GRIK2: variants seen among roughly 807,000 people sequenced by gnomAD.
GRIK2 encodes glutamate receptor ionotropic, kainate 2.
Under a neutral mutation model 100.3 loss-of-function variants are expected in GRIK2, and 32 were observed. The ratio of observed to expected loss-of-function variants is 0.32; its 90% CI spans 0.24 to 0.43. The LOEUF is 0.43. Among genes scored for constraint, GRIK2 ranks in the 20% least tolerant of loss-of-function variants. The pLI is 1.00. For synonymous variants in GRIK2, 417 were observed against 389.4 expected (o/e 1.07, Z -0.83); for missense variants, 843 against 1,114.9 (o/e 0.76, Z 3.47).
At chr6:101,425,997 G>C (rs9404103) in intron 2 of GRIK2, among the ~76,000 whole-genome samples, 105,120 of 152,146 alleles carry the variant, frequency 0.69, 36,568 homozygotes, top group East Asian at 0.91. Context: ...CATTCTTTCA[G>C]ACTTGAAAGC....
rs140994724 is a variant in GRIK2, at chr6:101,770,837, T to C, written c.952-28811T>C. Among the ~76,000 whole-genome samples the C allele has an allele frequency of 7.6e-4, 116 of 152,312 alleles. 2 individuals are homozygous for C. In the East Asian group the frequency reaches 0.02, roughly 26 times the overall value. ...ATGTATTTTTGGCAGGTATAGTGTG[T>C]TCTTCTGCACCAACTCACATATTCC... is the stretch of plus-strand genomic sequence containing the variant. On this transcript the variant is annotated intron_variant, in intron 7 of 16. Transcript: ENST00000369134.
chr6:101,681,404 A>ATT (rs149557882), intron 5 of GRIK2, among the ~76,000 whole-genome samples: 67 of 111,940 alleles, frequency 6.0e-4, no homozygotes, highest in East Asian at 2.7e-3. Flanking sequence ...TTTCTTTTCT[A>ATT]TTTTTTTTTT....
At chr6:101,557,388 T>C (rs995138098) in intron 2 of GRIK2, among the ~76,000 whole-genome samples, 3 of 152,196 alleles carry the variant, frequency 2.0e-5, no homozygotes, top group Admixed American at 1.3e-4. Flanking sequence ...CTCTGGGTTA[T>C]TAAACTAGTT....
chr6:101,410,890 A>T (rs533202179), intron 2 of GRIK2, among the ~76,000 whole-genome samples: 134 of 152,176 alleles, frequency 8.8e-4, no homozygotes, highest in Middle Eastern at 3.4e-3. Flanking sequence ...AAGGTGGAGG[A>T]CAATCAGTCT....
intron 12 of GRIK2, among the ~76,000 whole-genome samples, chr6:101,891,963 T>C (rs955271693): frequency 6.6e-6 from 1 of 152,144 alleles, no homozygotes; most frequent in Non-Finnish European, 1.5e-5. Flanking sequence ...GATTAAGCAA[T>C]TCAGTGCCTA....
At chr6:101,838,565 C>A (rs993748861) in intron 10 of GRIK2, among the ~76,000 whole-genome samples, 1 of 152,088 alleles carries the variant, frequency 6.6e-6, no homozygotes, top group Non-Finnish European at 1.5e-5. Context: ...AATTTTGTAT[C>A]TGCAATTTTT....
intron 2 of GRIK2, among the ~76,000 whole-genome samples, chr6:101,608,549 T>A (rs1468580171): frequency 2.6e-5 from 4 of 151,870 alleles, no homozygotes; most frequent in Non-Finnish European, 1.5e-5. Context: ...ACTCTACATA[T>A]CATTATATTT....
intron 1 of GRIK2, among the ~76,000 whole-genome samples, chr6:101,396,508 A>G (rs759722027): frequency 7.2e-5 from 11 of 152,130 alleles, no homozygotes; most frequent in Non-Finnish European, 1.6e-4. Flanking sequence ...AGTTTTTTTA[A>G]CAGTATGCCC....
intron 10 of GRIK2, among the ~76,000 whole-genome samples, chr6:101,851,042 T>A (rs192872268): frequency 6.6e-6 from 1 of 152,206 alleles, no homozygotes; most frequent in Admixed American, 6.5e-5. Flanking sequence ...GAAAACTGCA[T>A]CTTACTTATC....
chr6:101,456,499 A>G (rs1382660708), intron 2 of GRIK2, among the ~76,000 whole-genome samples: 1 of 152,104 alleles, frequency 6.6e-6, no homozygotes, highest in African/African-American at 2.4e-5. Flanking sequence ...ATTTAGTAAA[A>G]CAACCAGTAA....
intron 14 of GRIK2, among the ~76,000 whole-genome samples, chr6:101,937,212 C>T (rs1790671564): frequency 6.6e-6 from 1 of 151,984 alleles, no homozygotes; most frequent in Admixed American, 6.6e-5. Context: ...TGCATGAGGC[C>T]CTGCCACTCC....
At chr6:101,707,118 C>T (rs1278138811) in intron 7 of GRIK2, among the ~76,000 whole-genome samples, 2 of 151,752 alleles carry the variant, frequency 1.3e-5, no homozygotes, top group African/African-American at 4.8e-5. Flanking sequence ...AAAGCAACAA[C>T]AAAAACCTTA....
At chr6:101,764,959 C>CTCATCCATTATCA (rs1777952115) in intron 7 of GRIK2, among the ~76,000 whole-genome samples, 1 of 152,054 alleles carries the variant, frequency 6.6e-6, no homozygotes, top group Non-Finnish European at 1.5e-5. Context: ...CTTCTCCAGC[C>CTCATCCATTATCA]TCATCCATTA....
intron 12 of GRIK2, among the ~76,000 whole-genome samples, chr6:101,894,273 T>G (rs1319924841): frequency 6.6e-6 from 1 of 151,756 alleles, no homozygotes; most frequent in African/African-American, 2.4e-5. Context: ...TAACCAATAC[T>G]GAGAAGGAGA....
At chr6:101,967,569 A>G (rs577607899) in intron 14 of GRIK2, among the ~76,000 whole-genome samples, 13 of 152,222 alleles carry the variant, frequency 8.5e-5, no homozygotes, top group Non-Finnish European at 1.6e-4. Context: ...AGTCACAAAG[A>G]CGACTTGTAC....
At chr6:101,890,360 C>T (rs1163454088) in intron 12 of GRIK2, 1 of 152,216 alleles carries the variant, frequency 6.6e-6, no homozygotes, top group Non-Finnish European at 1.5e-5. Context: ...CTTGTTTTTT[C>T]ACAGAATAAA....
chr6:101,774,282 C>T (rs1778597449), intron 7 of GRIK2, among the ~76,000 whole-genome samples: 2 of 152,012 alleles, frequency 1.3e-5, no homozygotes, highest in African/African-American at 4.8e-5. Context: ...TAAATATAAA[C>T]AACATTGATG....
At chr6:101,502,243 A>T (rs1307627720) in intron 2 of GRIK2, among the ~76,000 whole-genome samples, 1 of 152,202 alleles carries the variant, frequency 6.6e-6, no homozygotes, top group East Asian at 1.9e-4. Flanking sequence ...ATACATATTG[A>T]AAGGTACATT....
chr6:101,879,551 C>T, intron 11 of GRIK2, among the ~76,000 whole-genome samples: 1 of 151,930 alleles, frequency 6.6e-6, no homozygotes, highest in Non-Finnish European at 1.5e-5. Flanking sequence ...TCTTGAACCT[C>T]TCAGCCACCT....
Sources: allele counts gnomAD v4.1 joint callset (sites outside exome capture counted in the v4.1 genomes callset), GRCh38; gene constraint gnomAD v4.1.1; transcripts MANE v1.5; gene names NCBI Gene and HGNC (gene_info 2026-07-23, HGNC 2026-07-21).